Variants in LRSAM1 observed in about 807,000 individuals in gnomAD.
The protein encoded by LRSAM1 is E3 ubiquitin-protein ligase LRSAM1.
In LRSAM1, 96 loss-of-function variants were observed where a neutral mutation model predicts 118.1. The ratio of observed to expected loss-of-function variants is 0.81; its 90% confidence interval spans 0.69 to 0.96. The LOEUF (loss-of-function observed/expected upper bound fraction) is 0.96, where lower values mean the gene tolerates loss of function less well. Among genes scored for constraint, LRSAM1 ranks in the 40% least tolerant of loss-of-function variants. LRSAM1 has a pLI of 0.00. For missense variants in LRSAM1, 804 were observed against 915.5 expected (o/e 0.88, Z 1.57); for synonymous variants, 322 against 364.2 (o/e 0.88, Z 1.32).
At chr9:127,466,506 T>TATATATATATA (rs1331732184) in intron 9 of LRSAM1, among the ~76,000 whole-genome samples, 7 of 35,122 alleles carry the variant, frequency 2.0e-4, no homozygotes, top group Admixed American at 4.5e-4. Context: ...ATATATATAT[T>TATATATATATA]TTTTTTTTTT....
intron 17 of LRSAM1, among the ~76,000 whole-genome samples, chr9:127,486,924 T>C (rs1349497125): frequency 6.6e-6 from 1 of 151,946 alleles, no homozygotes; most frequent in African/African-American, 2.4e-5. Flanking sequence ...GGCTCACGTC[T>C]GTAATCCCAG....
chr9:127,467,072 T>C (rs574458590), intron 9 of LRSAM1, among the ~76,000 whole-genome samples: 74 of 152,208 alleles, frequency 4.9e-4, no homozygotes, highest in African/African-American at 1.7e-3. Flanking sequence ...TTGAGACAAA[T>C]TGAGGAGTCC....
chr9:127,489,431 G>A lies in LRSAM1; in HGVS notation c.1348-13G>A. 1.2e-6 allele frequency: 2 copies of A among 1,603,092 alleles called. No homozygotes were observed. Among genetic ancestry groups the A allele is most frequent in the Non-Finnish European group, 1.7e-6 (2 of 1,175,928 alleles). ...GCACGGCCCCTGCTGAGGGCTGGTG[G>A]TCTGTGTTGCAGAGCGCGATGCAGA... On this transcript the variant is annotated splice_polypyrimidine_tract_variant and intron_variant, in intron 18 of 25. Coordinates refer to ENST00000300417, the MANE Select transcript of LRSAM1 (RefSeq NM_001005373.4).
chr9:127,495,681 A>ACTGT (rs1836106051), intron 22 of LRSAM1, among the ~76,000 whole-genome samples: 2 of 152,288 alleles, frequency 1.3e-5, no homozygotes, highest in South Asian at 4.1e-4. Context: ...GCCGGGAGCC[A>ACTGT]CTGTCTGTCC....
chr9:127,475,195 G>A (rs890705732), intron 11 of LRSAM1, among the ~76,000 whole-genome samples: 1 of 152,068 alleles, frequency 6.6e-6, no homozygotes, highest in African/African-American at 2.4e-5. Flanking sequence ...ATTGAGCAGA[G>A]AAAGAACTCT....
Position 127,483,008 on chromosome 9 carries a change from C to T in LRSAM1, c.1147C>T (p.Arg383Cys), listed in dbSNP as rs1006024672. 9 of 1,600,278 alleles carry T rather than the reference C, an allele frequency of 5.6e-6. No homozygotes were observed. The highest frequency in any genetic ancestry group is 4.0e-5 in the African/African-American group (3 of 74,772). Residue 383 changes from arginine (R) to cysteine (C), a missense_variant, in exon 16 of 26, where the codon CGT becomes TGT. By Grantham distance (180) the Arg-to-Cys change is radical (BLOSUM62 -3). Transcript: ENST00000300417. ...TQEETESLRR[R>C]DVASAMQQML... Reference sequence around the variant, plus strand: ...GGAGGAGACTGAGAGCCTGCGGCGACGTGACGTTGCCTGTGAGTTTTGGGA... The same window carrying T: ...GGAGGAGACTGAGAGCCTGCGGCGATGTGACGTTGCCTGTGAGTTTTGGGA...
Position 127,455,033 on chromosome 9 carries a change from C to G in LRSAM1, c.108C>G (p.Ile36Met), listed in dbSNP as rs1326623870. Residue 36 changes from isoleucine to methionine, a missense_variant, in exon 4 of 26, where the codon ATC (isoleucine) becomes ATG (methionine). Ile to Met is a conservative substitution (Grantham distance 10, BLOSUM62 1). Coordinates refer to ENST00000300417, the MANE Select transcript of LRSAM1 (RefSeq NM_001005373.4). Reference protein sequence around the residue: ...KEAGADDILDISKCELSEIPF... With the variant: ...KEAGADDILDMSKCELSEIPF... ...CTGGGGCAGATGACATTCTCGACAT[C>G]TCTAAATGTGAGCTCTCAGAGGTAA... 2 of 1,614,012 alleles carry G rather than the reference C, an allele frequency of 1.2e-6. No individual in the cohort carries two copies. The highest frequency in any genetic ancestry group is 3.3e-5 in the Admixed American group (2 of 59,998).
intron 4 of LRSAM1, among the ~76,000 whole-genome samples, chr9:127,455,345 A>G (rs756282129): frequency 2.1e-5 from 3 of 144,488 alleles, no homozygotes; most frequent in Non-Finnish European, 3.1e-5. Flanking sequence ...CACAATGGGG[A>G]CAGGGTGGGT....
Position 127,487,183 on chromosome 9 carries a change from C to CA in LRSAM1, c.1260-476dup, listed in dbSNP as rs143561853. On this transcript the variant is annotated intron_variant, in intron 17 of 25. Transcript: ENST00000300417. ...CGGGTGACAGAGCAAGACTCTGTCT[C>CA]AAAAAAAAAAAAAAAAACAACCAAG... Among the ~76,000 whole-genome samples, 454 of 105,052 alleles carry CA rather than the reference C, an allele frequency of 4.3e-3. 2 individuals carry two copies. Among genetic ancestry groups the CA allele is most frequent in the Middle Eastern group, 0.015 (3 of 202 alleles). The allele number at this position is 105,052 out of a possible 152,430, so 68.9% of individuals were successfully genotyped here.
chr9:127,482,659 A>G lies in LRSAM1; in HGVS notation c.1089-291A>G, dbSNP rs77998194. On this transcript the variant is annotated intron_variant, in intron 15 of 25. Transcript: ENST00000300417. ...CTTTCTTTAGTTACCAGTAATGTTAAGCATCTTTCCAGATGTTTATTGATC... is the reference window on the plus strand; with the variant it reads ...CTTTCTTTAGTTACCAGTAATGTTAGGCATCTTTCCAGATGTTTATTGATC... 2.0e-3 allele frequency among the ~76,000 whole-genome samples: 302 copies of G among 152,376 alleles called. 1 individual carries two copies. The highest frequency in any genetic ancestry group is 6.8e-3 in the African/African-American group (281 of 41,588).
At chr9:127,492,539 C>T (rs1746209267) in intron 20 of LRSAM1, among the ~76,000 whole-genome samples, 1 of 152,250 alleles carries the variant, frequency 6.6e-6, no homozygotes, top group South Asian at 2.1e-4. Flanking sequence ...TGTGGCTTGT[C>T]ATTTCTTTTG....
rs1324487842 is a variant in LRSAM1, at chr9:127,496,417, C to T, written c.1830+322C>T. 3.3e-5 allele frequency among the ~76,000 whole-genome samples: 5 copies of T among 152,296 alleles called. No homozygotes were observed. The East Asian group carries it at 9.6e-4, about 29-fold the overall frequency. Reference sequence around the variant, plus strand: ...CTGCCCTGCCTCATGGTGTCACAAACTGTCGTGGCCACAGCACTGCCTGAG... The same window carrying T: ...CTGCCCTGCCTCATGGTGTCACAAATTGTCGTGGCCACAGCACTGCCTGAG... On this transcript the variant is annotated intron_variant, in intron 23 of 25. Transcript: ENST00000300417.
chr9:127,464,584 A>T (rs1305784430), intron 9 of LRSAM1, among the ~76,000 whole-genome samples: 1 of 151,860 alleles, frequency 6.6e-6, no homozygotes, highest in Non-Finnish European at 1.5e-5. Flanking sequence ...TAGACAATAC[A>T]GCTCAGAGCA....
At chr9:127,489,327 C>T in intron 18 of LRSAM1, 117 bp from the exon 19 acceptor site, 1 of 1,215,356 alleles carries the variant, frequency 8.2e-7, no homozygotes, top group Non-Finnish European at 1.2e-6. Flanking sequence ...CTCCCTCTCT[C>T]AGAAAAAACC....
intron 7 of LRSAM1, among the ~76,000 whole-genome samples, chr9:127,459,652 G>A (rs910215450): frequency 6.6e-6 from 1 of 152,038 alleles, no homozygotes; most frequent in Non-Finnish European, 1.5e-5. Context: ...TCTGCCTCCC[G>A]GGTTCAAGAG....
At chr9:127,499,632 A>T (rs1836295356) in intron 24 of LRSAM1, among the ~76,000 whole-genome samples, 1 of 152,042 alleles carries the variant, frequency 6.6e-6, no homozygotes, top group African/African-American at 2.4e-5. Context: ...AACAGCCTTT[A>T]AAAAATCTTT....
At chr9:127,495,861 A>G (rs1836115035) in intron 22 of LRSAM1, 103 bp from the exon 23 acceptor site, 1 of 1,508,518 alleles carries the variant, frequency 6.6e-7, no homozygotes, top group Non-Finnish European at 8.9e-7. Flanking sequence ...TCCCGAGTAC[A>G]TTCTATGTAT....
At chr9:127,468,985 A>G (rs1835066536) in intron 10 of LRSAM1, among the ~76,000 whole-genome samples, 1 of 152,126 alleles carries the variant, frequency 6.6e-6, no homozygotes, top group South Asian at 2.1e-4. Context: ...TCTCAAAAAA[A>G]AGGTTTAATT....
At chr9:127,473,431 A>G (rs1835244335) in intron 10 of LRSAM1, among the ~76,000 whole-genome samples, 1 of 152,206 alleles carries the variant, frequency 6.6e-6, no homozygotes, top group African/African-American at 2.4e-5. Flanking sequence ...GCAAAACCAC[A>G]CATGGCCAGA....
Sources: gnomAD v4.1 joint callset for allele counts (sites outside exome capture counted in the v4.1 genomes callset) on GRCh38, gnomAD v4.1.1 for gene constraint, MANE v1.5 for transcripts, NCBI Gene and HGNC (gene_info 2026-07-23, HGNC 2026-07-21) for gene names.